Variants in GSE1 observed in about 807,000 individuals in gnomAD.
The protein encoded by GSE1 is genetic suppressor element 1.
Under a neutral mutation model 112.6 loss-of-function variants are expected in GSE1, and 32 were observed. The observed-to-expected ratio is 0.28, with a 90% CI of 0.21 to 0.38. The LOEUF (loss-of-function observed/expected upper bound fraction) is 0.38. GSE1 is among the 10% of genes least tolerant of loss of function. The pLI, the probability that GSE1 is intolerant of heterozygous loss-of-function variation, is 1.00. For missense variants in GSE1, 2,348 were observed against 1,699.2 expected (o/e 1.38, Z -6.71); for synonymous variants, 1,115 against 735.6 (o/e 1.52, Z -8.35).
intron 3 of GSE1, 112 bp downstream of exon 3, chr16:85,648,863 C>A (rs924305771): frequency 1.2e-5 from 7 of 580,086 alleles, no homozygotes; most frequent in Non-Finnish European, 1.4e-5. Context: ...CAGACACCCC[C>A]TCCCCCACCC....
chr16:85,381,006 G>C (rs1471754111), intron 2 of GSE1, among the ~76,000 whole-genome samples: 4 of 152,176 alleles, frequency 2.6e-5, no homozygotes, highest in African/African-American at 9.7e-5. Context: ...GTGGCATTTA[G>C]GACCTTCACA....
In GSE1 at chr16:85,613,384, G is replaced by T; in HGVS notation, c.-8G>T. 6.4e-7 allele frequency: 1 copy of T among 1,566,850 alleles called. No individual in the cohort carries two copies. The highest frequency in any genetic ancestry group is 8.6e-7 in the Non-Finnish European group (1 of 1,156,994). Reference sequence around the variant, plus strand: ...GTATCAGCCGAGGTGGAGCTGCGGGGCCCTGGCATGAAAGGTGAGCGCGCC... The same window carrying T: ...GTATCAGCCGAGGTGGAGCTGCGGGTCCCTGGCATGAAAGGTGAGCGCGCC... On this transcript the variant is annotated 5_prime_UTR_variant, in exon 1 of 16. Coordinates refer to ENST00000253458, the MANE Select transcript of GSE1 (RefSeq NM_014615.5).
In GSE1 at chr16:85,422,372, G is replaced by T. The variant is rs916762878; in HGVS notation, c.2464+64729G>T. Among the ~76,000 whole-genome samples the T allele has an allele frequency of 2.1e-4, 32 of 152,274 alleles. No homozygotes were observed. In the East Asian group the frequency reaches 4.1e-3, roughly 19 times the overall value. On this transcript the variant is annotated intron_variant, in intron 2 of 2. Coordinates refer to the GSE1 transcript ENST00000637419. ...TGCGGGAAGGAGCTGGGCGGGGCGG[G>T]GGGGGGTGCCCCTGTGGAGCCACTA...
intron 1 of GSE1, among the ~76,000 whole-genome samples, chr16:85,186,092 C>G (rs7198365): frequency 0.011 from 1,750 of 152,272 alleles, 38 homozygotes; most frequent in African/African-American, 0.038. Flanking sequence ...CTATGTCCCC[C>G]TAGGCTTGAG....
chr16:85,434,192 G>A (rs1205861084), intron 2 of GSE1, among the ~76,000 whole-genome samples: 1 of 152,054 alleles, frequency 6.6e-6, no homozygotes, highest in Non-Finnish European at 1.5e-5. Context: ...CCACAGGGCT[G>A]GGGACTGCAG....
chr16:85,513,778 C>A (rs2051825053), intron 2 of GSE1, among the ~76,000 whole-genome samples: 1 of 152,158 alleles, frequency 6.6e-6, no homozygotes, highest in Admixed American at 6.5e-5. Context: ...CTCTTGGAGC[C>A]CCCCACCCCC....
Position 85,661,565 on chromosome 16 carries a change from G to A in GSE1, c.2060G>A (p.Gly687Asp), listed in dbSNP as rs2052435349. 2 of 1,610,946 alleles carry A rather than the reference G, an allele frequency of 1.2e-6. No individual in the cohort carries two copies. Among genetic ancestry groups the A allele is most frequent in the African/African-American group, 2.7e-5 (2 of 74,910 alleles). ...GAGAAGTCCACCCAGACCATCCTGG[G>A]CCAGCAGCGGGCCTCCCTCCCACAG... ...ELEKSTQTIL[G>D]QQRASLPQAA... Residue 687 changes from glycine (G) to aspartate (D), a missense_variant, in exon 9 of 16, where the codon GGC becomes GAC. Transcript: ENST00000253458.
intron 1 of GSE1, among the ~76,000 whole-genome samples, chr16:85,255,357 A>T (rs1397993574): frequency 6.8e-6 from 1 of 146,194 alleles, no homozygotes; most frequent in African/African-American, 2.6e-5. Flanking sequence ...CACTGATGAT[A>T]CCCCTCCCAG....
chr16:85,629,458 A>T (rs948911455), intron 1 of GSE1, among the ~76,000 whole-genome samples: 1 of 152,166 alleles, frequency 6.6e-6, no homozygotes, highest in Non-Finnish European at 1.5e-5. Flanking sequence ...TGTGGTTTGC[A>T]GGGCATAGTC....
intron 1 of GSE1, among the ~76,000 whole-genome samples, chr16:85,177,553 G>A (rs563584915): frequency 6.6e-6 from 1 of 152,330 alleles, no homozygotes; most frequent in African/African-American, 2.4e-5. Context: ...CAAAGTGACA[G>A]GACTGGTCTG....
chr16:85,179,178 C>T (rs2074530437), intron 1 of GSE1, among the ~76,000 whole-genome samples: 2 of 152,126 alleles, frequency 1.3e-5, no homozygotes, highest in Non-Finnish European at 2.9e-5. Context: ...CTCCACCCAC[C>T]CCTGGCACCC....
chr16:85,555,099 G>A (rs1222696412), upstream of GSE1: 1 of 985,292 alleles, frequency 1.0e-6, no homozygotes. Flanking sequence ...CGTAGAGACG[G>A]AAGGAGCCGC....
intron 2 of GSE1, among the ~76,000 whole-genome samples, chr16:85,541,678 C>T (rs1001465273): frequency 2.6e-5 from 4 of 152,188 alleles, no homozygotes; most frequent in African/African-American, 4.8e-5. Flanking sequence ...GGCAAAGCCA[C>T]GGGGCACGGT....
intron 2 of GSE1, among the ~76,000 whole-genome samples, chr16:85,644,343 C>CAAA (rs749279315): frequency 1.3e-4 from 15 of 119,672 alleles, no homozygotes; most frequent in African/African-American, 4.3e-4. Flanking sequence ...GATCCTGTCT[C>CAAA]AAAAAAAAAA....
intron 2 of GSE1, among the ~76,000 whole-genome samples, chr16:85,401,232 A>C (rs1212906865): frequency 1.3e-5 from 2 of 152,122 alleles, no homozygotes; most frequent in African/African-American, 4.8e-5. Flanking sequence ...ATTTCACATT[A>C]TTCTCCCTGA....
chr16:85,519,591 ATCAC>A, intron 2 of GSE1, among the ~76,000 whole-genome samples: 1 of 148,162 alleles, frequency 6.7e-6, no homozygotes, highest in Non-Finnish European at 1.5e-5. Flanking sequence ...CTCCATCATC[ATCAC>A]CTTCACCACC....
Position 85,229,885 on chromosome 16 carries a change from G to T in GSE1, c.2283+58078G>T, listed in dbSNP as rs74852168. On this transcript the variant is annotated intron_variant, in intron 1 of 2. Coordinates refer to the GSE1 transcript ENST00000637419. ...TAGCATCCAAAAGCAGGGTGAGAAG[G>T]GGGTAGAGGGCCCTCTTGCCCTTTT... 4.1e-3 allele frequency among the ~76,000 whole-genome samples: 622 copies of T among 152,344 alleles called. 6 individuals carry two copies. The highest frequency in any genetic ancestry group is 0.014 in the African/African-American group (594 of 41,572).
At chr16:85,195,242 A>G (rs562251222) in intron 1 of GSE1, among the ~76,000 whole-genome samples, 3 of 152,354 alleles carry the variant, frequency 2.0e-5, no homozygotes, top group East Asian at 1.9e-4. Context: ...GTAATAAGCC[A>G]CTGTGTATTT....
rs897701100 is a variant in GSE1 at position 85,672,244 on chromosome 16, C to G, written c.3520-161C>G. 4 of 618,888 alleles carry G rather than the reference C, an allele frequency of 6.5e-6. No homozygotes were observed. In the African/African-American group the frequency reaches 7.3e-5, roughly 11 times the overall value. 38.3% of individuals were successfully genotyped at this position (618,888 alleles called of 1,614,324 possible). A position where few individuals can be genotyped will look rare whatever the true frequency, so the allele number is the denominator to read the frequency against. On this transcript the variant is annotated intron_variant, in intron 15 of 15. Coordinates refer to ENST00000253458, the MANE Select transcript of GSE1 (RefSeq NM_014615.5). ...TCCTGACGACAGGTGATCTGCCCGC[C>G]TCGACCTCCAAAAGTGCTGGGATTA... is the stretch of plus-strand genomic sequence containing the variant.
Sources: allele counts gnomAD v4.1 joint callset (sites outside exome capture counted in the v4.1 genomes callset), GRCh38; gene constraint gnomAD v4.1.1; transcripts MANE v1.5; gene names NCBI Gene and HGNC (gene_info 2026-07-23, HGNC 2026-07-21).